Variants in ZNF385D observed in about 807,000 individuals in gnomAD.
The protein encoded by ZNF385D is zinc finger protein 385D, also known as zinc finger protein 659.
A neutral mutation model predicts 35.8 loss-of-function variants in ZNF385D; 15 were observed. The ratio of observed to expected loss-of-function variants is 0.42; its 90% CI spans 0.28 to 0.64. The LOEUF (loss-of-function observed/expected upper bound fraction) is 0.64. Among genes scored for constraint, ZNF385D ranks in the 30% least tolerant of loss-of-function variants. ZNF385D has a pLI of 0.23. For synonymous variants in ZNF385D, 212 were observed against 186.8 expected, an observed-to-expected ratio of 1.13 and a Z score of -1.10; for missense variants, 474 against 494.6, an observed-to-expected ratio of 0.96 and a Z score of 0.39.
intron 3 of ZNF385D, among the ~76,000 whole-genome samples, chr3:22,093,623 A>G (rs1576307419): frequency 6.6e-6 from 1 of 152,162 alleles, no homozygotes; most frequent in Admixed American, 6.6e-5. Context: ...ACTATAAAAA[A>G]TAAGAAAGAT....
chr3:21,684,375 T>C (rs1559516475), intron 1 of ZNF385D, among the ~76,000 whole-genome samples: 5 of 58,174 alleles, frequency 8.6e-5, no homozygotes, highest in Non-Finnish European at 1.7e-4. Context: ...CCTCTCTCTC[T>C]CTCTCTCTCT....
chr3:21,543,498 A>C (rs1375838210), intron 3 of ZNF385D, among the ~76,000 whole-genome samples: 1 of 152,108 alleles, frequency 6.6e-6, no homozygotes, highest in Non-Finnish European at 1.5e-5. Flanking sequence ...GCTGGGATGC[A>C]TGGCCTAAGG....
At chr3:21,525,307 G>C (rs192130792) in intron 3 of ZNF385D, among the ~76,000 whole-genome samples, 4 of 152,106 alleles carry the variant, frequency 2.6e-5, no homozygotes, top group Non-Finnish European at 4.4e-5. Context: ...ATGCCAAACA[G>C]AGACTGCATT....
intron 2 of ZNF385D, among the ~76,000 whole-genome samples, chr3:22,173,913 T>C (rs1051724739): frequency 1.3e-5 from 2 of 152,032 alleles, no homozygotes; most frequent in African/African-American, 4.8e-5. Flanking sequence ...AATTCAAATT[T>C]TCCTTCTGAA....
At chr3:21,809,085 GA>G (rs2072786158) in intron 3 of ZNF385D, among the ~76,000 whole-genome samples, 1 of 152,058 alleles carries the variant, frequency 6.6e-6, no homozygotes, top group African/African-American at 2.4e-5. Flanking sequence ...TATAGAACTA[GA>G]AAAATGTCAA....
intron 2 of ZNF385D, among the ~76,000 whole-genome samples, chr3:22,232,827 G>A (rs1161024178): frequency 1.3e-5 from 2 of 152,126 alleles, no homozygotes; most frequent in Admixed American, 6.6e-5. Context: ...TAGGCCACCT[G>A]ATTTACATTT....
At chr3:22,043,656 A>G (rs1050989472) in intron 3 of ZNF385D, among the ~76,000 whole-genome samples, 1 of 120,550 alleles carries the variant, frequency 8.3e-6, no homozygotes, top group Non-Finnish European at 1.9e-5. Context: ...AACTTCCGAG[A>G]TGCCCCACCA....
intron 3 of ZNF385D, among the ~76,000 whole-genome samples, chr3:22,129,012 T>A (rs1397271092): frequency 6.6e-6 from 1 of 152,140 alleles, no homozygotes; most frequent in East Asian, 1.9e-4. Flanking sequence ...GTGTTCTAAG[T>A]CTTTGGTCAC....
chr3:22,091,818 T>A (rs978955432), intron 3 of ZNF385D, among the ~76,000 whole-genome samples: 1 of 152,220 alleles, frequency 6.6e-6, no homozygotes, highest in Non-Finnish European at 1.5e-5. Flanking sequence ...CATTTGTATG[T>A]CTCCTTCTTC....
At chr3:22,075,950 T>G (rs1700443292) in intron 3 of ZNF385D, among the ~76,000 whole-genome samples, 1 of 151,948 alleles carries the variant, frequency 6.6e-6, no homozygotes, top group Admixed American at 6.6e-5. Context: ...GAGGATATTC[T>G]TCGCTTCTTT....
chr3:22,165,261 A>G (rs1287058006), intron 3 of ZNF385D, among the ~76,000 whole-genome samples: 1 of 152,210 alleles, frequency 6.6e-6, no homozygotes, highest in Non-Finnish European at 1.5e-5. Context: ...AGGAGGGGAT[A>G]TATGGGAACT....
chr3:21,776,756 A>C (rs1459778811), intron 3 of ZNF385D, among the ~76,000 whole-genome samples: 2 of 151,980 alleles, frequency 1.3e-5, no homozygotes, highest in African/African-American at 4.8e-5. Flanking sequence ...AGTGATGTTT[A>C]CAAATCATAA....
chr3:21,973,196 T>C (rs1703375505), intron 3 of ZNF385D, among the ~76,000 whole-genome samples: 1 of 151,708 alleles, frequency 6.6e-6, no homozygotes, highest in South Asian at 2.1e-4. Context: ...AATTCAACAA[T>C]ACATTAAAAA....
intron 2 of ZNF385D, among the ~76,000 whole-genome samples, chr3:22,176,478 G>A (rs1694839453): frequency 6.6e-6 from 1 of 152,118 alleles, no homozygotes; most frequent in Non-Finnish European, 1.5e-5. Context: ...GGCAAATGAA[G>A]GTTAATGGAT....
intron 3 of ZNF385D, among the ~76,000 whole-genome samples, chr3:22,147,332 GGGAACCACACCTGGCTTTTCAGA>G (rs1704925309): frequency 6.6e-6 from 1 of 152,102 alleles, no homozygotes; most frequent in Admixed American, 6.6e-5. Flanking sequence ...CGGTAGGCAT[GGGAACCACACCTGGCTTTTCAGA>G]GCAGTACATA....
chr3:21,856,053 G>A (rs1407812894), intron 3 of ZNF385D, among the ~76,000 whole-genome samples: 1 of 151,994 alleles, frequency 6.6e-6, no homozygotes, highest in East Asian at 1.9e-4. Flanking sequence ...TTGGTTTTAA[G>A]AGTTTCACTA....
chr3:21,581,517 C>T (rs2063663079), intron 2 of ZNF385D, among the ~76,000 whole-genome samples: 1 of 152,088 alleles, frequency 6.6e-6, no homozygotes, highest in Non-Finnish European at 1.5e-5. Context: ...TGCCTGATGA[C>T]AGAGAGGGCT....
At chr3:21,455,820 A>G (rs892808353) in intron 4 of ZNF385D, among the ~76,000 whole-genome samples, 1 of 152,210 alleles carries the variant, frequency 6.6e-6, no homozygotes, top group Non-Finnish European at 1.5e-5. Context: ...GAATGGGAAA[A>G]AATTTTCGCA....
At chr3:22,154,885 C>T (rs1397844814) in intron 3 of ZNF385D, among the ~76,000 whole-genome samples, 1 of 152,154 alleles carries the variant, frequency 6.6e-6, no homozygotes, top group Non-Finnish European at 1.5e-5. Flanking sequence ...AAACATTCAT[C>T]TTCCATGATA....
Sources: allele counts gnomAD v4.1 joint callset (sites outside exome capture counted in the v4.1 genomes callset), GRCh38; gene constraint gnomAD v4.1.1; transcripts MANE v1.5; gene names NCBI Gene and HGNC (gene_info 2026-07-23, HGNC 2026-07-21).